The following ELAVL4 variants were observed in gnomAD, a reference collection of about 807,000 sequenced individuals.
The protein encoded by ELAVL4 is ELAV like RNA binding protein 4.
In ELAVL4, 1 loss-of-function variant was observed where a neutral mutation model predicts 35.6. The observed-to-expected ratio is 0.03, with a 90% confidence interval of 0.01 to 0.13. The LOEUF (loss-of-function observed/expected upper bound fraction) is 0.13, where lower values mean the gene tolerates loss of function less well. Among genes scored for constraint, ELAVL4 ranks in the 10% least tolerant of loss-of-function variants. ELAVL4 has a pLI of 1.00. For missense variants in ELAVL4, 267 were observed against 464.9 expected (o/e 0.57, Z 3.91); for synonymous variants, 156 against 171.0 (o/e 0.91, Z 0.69).
At chr1:50,135,522 TTCAACCC>T (rs1671742036) in intron 1 of ELAVL4, among the ~76,000 whole-genome samples, 3 of 152,178 alleles carry the variant, frequency 2.0e-5, no homozygotes, top group Admixed American at 1.3e-4. Flanking sequence ...TCCTCCCAGC[TTCAACCC>T]TCTACAGGGA....
intron 2 of ELAVL4, chr1:50,175,351 G>T (rs1572535461): frequency 1.3e-5 from 2 of 151,176 alleles, no homozygotes; most frequent in African/African-American, 2.4e-5. Flanking sequence ...ATATGGCAGG[G>T]TCTTGTAATT....
chr1:50,177,273 T>C, intron 3 of ELAVL4, 81 bp downstream of exon 3: 1 of 1,069,930 alleles, frequency 9.3e-7, no homozygotes, highest in Middle Eastern at 2.0e-4. Flanking sequence ...CCAGGCTATG[T>C]GGGGGCTGGA....
intron 1 of ELAVL4, among the ~76,000 whole-genome samples, chr1:50,056,116 T>C (rs1663656027): frequency 6.6e-6 from 1 of 152,202 alleles, no homozygotes; most frequent in Non-Finnish European, 1.5e-5. Flanking sequence ...TAAAGGTCTT[T>C]TTATTCTCAC....
chr1:50,198,957 T>C (rs1353049568), intron 6 of ELAVL4, among the ~76,000 whole-genome samples: 1 of 152,322 alleles, frequency 6.6e-6, no homozygotes, highest in East Asian at 1.9e-4. Context: ...ACTTAGCTGT[T>C]TTCTACCTAT....
chr1:50,090,211 A>T (rs111982969), intron 1 of ELAVL4, among the ~76,000 whole-genome samples: 4 of 152,330 alleles, frequency 2.6e-5, no homozygotes, highest in African/African-American at 9.6e-5. Flanking sequence ...GATTTTATCT[A>T]TCTCAAGTTT....
At position 50,146,632 on chromosome 1, in the gene ELAVL4, A is replaced by T. The variant is rs1673778071; in HGVS notation, c.250+1435A>T. On this transcript the variant is annotated intron_variant, in intron 2 of 6. Coordinates refer to ENST00000371824, the MANE Select transcript of ELAVL4 (RefSeq NM_001144774.3). ...GATTATCTTGTACCAGAGCACTGGAACATCTATCCTTAAACAGAATTTCCC... is the reference window on the plus strand; with the variant it reads ...GATTATCTTGTACCAGAGCACTGGATCATCTATCCTTAAACAGAATTTCCC... Among the ~76,000 whole-genome samples the T allele has an allele frequency of 2.6e-5, 4 of 152,208 alleles. No individual in the cohort carries two copies. In the South Asian group the frequency reaches 6.2e-4, roughly 24 times the overall value.
intron 1 of ELAVL4, among the ~76,000 whole-genome samples, chr1:50,080,671 A>G (rs973789592): frequency 5.9e-5 from 9 of 152,116 alleles, no homozygotes; most frequent in African/African-American, 2.2e-4. Flanking sequence ...GTCTTTGGGC[A>G]TGTCGTTTCC....
intron 1 of ELAVL4, among the ~76,000 whole-genome samples, chr1:50,067,013 T>C (rs1262896540): frequency 6.6e-6 from 1 of 152,096 alleles, no homozygotes; most frequent in Non-Finnish European, 1.5e-5. Flanking sequence ...AATATCACAG[T>C]ATCACCTGGT....
chr1:50,154,769 T>A (rs1675416527), intron 2 of ELAVL4, among the ~76,000 whole-genome samples: 1 of 151,848 alleles, frequency 6.6e-6, no homozygotes. Flanking sequence ...TGTGTGTGTG[T>A]GTGTGTGTGT....
chr1:50,122,609 C>T (rs1669219002), intron 1 of ELAVL4, among the ~76,000 whole-genome samples: 1 of 152,074 alleles, frequency 6.6e-6, no homozygotes, highest in Non-Finnish European at 1.5e-5. Context: ...GCTCCTAAAA[C>T]TGGCAGCACA....
chr1:50,169,936 A>C (rs946504441), intron 2 of ELAVL4, among the ~76,000 whole-genome samples: 3 of 152,188 alleles, frequency 2.0e-5, no homozygotes, highest in African/African-American at 4.8e-5. Context: ...TTCCTTCTAC[A>C]TTATAAGCTC....
intron 3 of ELAVL4, among the ~76,000 whole-genome samples, chr1:50,181,736 C>T (rs896673114): frequency 2.0e-4 from 30 of 152,090 alleles, no homozygotes; most frequent in Non-Finnish European, 2.8e-4. Flanking sequence ...CAGGCTGGAA[C>T]GCAATGGTGC....
At chr1:50,145,339 CT>C in intron 2 of ELAVL4, 142 bp downstream of exon 2, 1 of 1,259,062 alleles carries the variant, frequency 7.9e-7, no homozygotes, top group South Asian at 1.4e-5. Flanking sequence ...TAAACTCACA[CT>C]ACATACACCA....
intron 2 of ELAVL4, among the ~76,000 whole-genome samples, chr1:50,171,836 G>A (rs550850858): frequency 1.3e-5 from 2 of 152,334 alleles, no homozygotes; most frequent in Non-Finnish European, 2.9e-5. Context: ...CAGTGAAGGA[G>A]TCCCAGGATA....
Position 50,094,759 on chromosome 1 carries a change from A to AATAAATAAATAT in ELAVL4, c.18+46588_18+46589insTATAAATAAATA, listed in dbSNP as rs1184877981. 4.0e-5 allele frequency among the ~76,000 whole-genome samples: 6 copies of AATAAATAAATAT among 150,376 alleles called. No individual in the cohort carries two copies. The South Asian group carries it at 8.4e-4, about 21-fold the overall frequency. On this transcript the variant is annotated intron_variant, in intron 1 of 6. Coordinates refer to the ELAVL4 transcript ENST00000448907. ...TGTCTCTACAATAAATAAATAAATA[A>AATAAATAAATAT]ATAAATAAATAAATAAATAAATTAG...
intron 1 of ELAVL4, among the ~76,000 whole-genome samples, chr1:50,097,714 A>G (rs929921093): frequency 2.0e-5 from 3 of 152,200 alleles, no homozygotes; most frequent in African/African-American, 7.2e-5. Flanking sequence ...GCAAATGTGT[A>G]CAAATTCATG....
intron 3 of ELAVL4, among the ~76,000 whole-genome samples, chr1:50,192,702 C>A (rs773216174): frequency 3.9e-5 from 6 of 152,150 alleles, no homozygotes; most frequent in Non-Finnish European, 5.9e-5. Context: ...CTGTTTTCAT[C>A]ATCTATTCTG....
At chr1:50,134,907 C>T (rs1671626956) in intron 1 of ELAVL4, among the ~76,000 whole-genome samples, 1 of 152,090 alleles carries the variant, frequency 6.6e-6, no homozygotes, top group Non-Finnish European at 1.5e-5. Flanking sequence ...TCTAAAGAAA[C>T]ACTGTAAAAT....
upstream of ELAVL4, among the ~76,000 whole-genome samples, chr1:50,101,207 T>C (rs1307566588): frequency 6.6e-6 from 1 of 152,180 alleles, no homozygotes; most frequent in Non-Finnish European, 1.5e-5. Context: ...TCAGCACTAC[T>C]TGGAAATAAG....
Sources: allele counts gnomAD v4.1 joint callset (sites outside exome capture counted in the v4.1 genomes callset), GRCh38; gene constraint gnomAD v4.1.1; transcripts MANE v1.5; gene names NCBI Gene and HGNC (gene_info 2026-07-23, HGNC 2026-07-21).